The following NTNG2 variants were observed in gnomAD, a reference collection of about 807,000 sequenced individuals.
NTNG2 encodes the protein netrin-G2.
A neutral mutation model predicts 47.6 loss-of-function variants in NTNG2; 15 were observed. The observed-to-expected ratio is 0.32, with a 90% CI of 0.21 to 0.49. NTNG2 has a LOEUF of 0.49. Among genes scored for constraint, NTNG2 ranks in the 20% least tolerant of loss-of-function variants. The probability of loss-of-function intolerance (pLI) is 0.99; values close to 1 mark genes in which losing one functional copy is unlikely to be tolerated. For missense variants in NTNG2, 578 were observed against 764.6 expected (o/e 0.76, Z 2.88); for synonymous variants, 307 against 324.6 (o/e 0.95, Z 0.58).
chr9:132,242,087 G>C lies in NTNG2; in HGVS notation c.1569G>C (p.Gly523=), dbSNP rs1842028684. The change falls in exon 8 of 8, where the codon GGG becomes GGC. Residue 523 remains glycine (G), a synonymous_variant. Coordinates refer to ENST00000393229, the MANE Select transcript of NTNG2 (RefSeq NM_032536.4). This position sits in a 1 kb window ranked among gnomAD's most constrained non-coding sequence, Gnocchi z 5.9. ...TGCTCGGCTGCCTGCTGCTGCTGGG[G>C]CTGGCCGCCCGCCTGGGCCGCTGAG... ...ATLLGCLLLL[G]LAARLGR is the part of the protein sequence containing the mutation. 1 of 1,182,090 alleles carries C rather than the reference G, an allele frequency of 8.5e-7. No homozygotes were observed. Among genetic ancestry groups the C allele is most frequent in the African/African-American group, 1.6e-5 (1 of 61,962 alleles). 73.2% of individuals were successfully genotyped at this position (1,182,090 alleles called of 1,614,324 possible). A position where few individuals can be genotyped will look rare whatever the true frequency, so the allele number is the denominator to read the frequency against.
At chr9:132,239,528 C>G (rs935768773) in intron 6 of NTNG2, among the ~76,000 whole-genome samples, 1 of 152,360 alleles carries the variant, frequency 6.6e-6, no homozygotes, top group Non-Finnish European at 1.5e-5. Context: ...CCTTCCCTCT[C>G]TGGGCAACTG....
chr9:132,188,289 A>T (rs1837559894), intron 2 of NTNG2, among the ~76,000 whole-genome samples: 1 of 152,216 alleles, frequency 6.6e-6, no homozygotes, highest in African/African-American at 2.4e-5. Context: ...GAGGATGAGA[A>T]GGGTTCCGTT....
At chr9:132,201,074 G>A (rs1301766268) in intron 3 of NTNG2, among the ~76,000 whole-genome samples, 1 of 152,254 alleles carries the variant, frequency 6.6e-6, no homozygotes, top group Non-Finnish European at 1.5e-5. Flanking sequence ...AACTGTTCAA[G>A]GACCCTGCCT....
chr9:132,164,977 AAC>A (rs1252470840), intron 1 of NTNG2, among the ~76,000 whole-genome samples: 2 of 152,248 alleles, frequency 1.3e-5, no homozygotes, highest in African/African-American at 4.8e-5. Flanking sequence ...GTTTCACGGA[AAC>A]ACAGTTAACT....
intron 3 of NTNG2, among the ~76,000 whole-genome samples, chr9:132,211,056 A>G (rs1024086745): frequency 4.6e-5 from 7 of 152,138 alleles, no homozygotes; most frequent in African/African-American, 1.7e-4. Flanking sequence ...CTGCTCACAG[A>G]CGCGGACCCA....
intron 2 of NTNG2, among the ~76,000 whole-genome samples, chr9:132,181,823 C>G (rs575989497): frequency 6.6e-6 from 1 of 152,368 alleles, no homozygotes; most frequent in East Asian, 1.9e-4. Context: ...GAAGGCCACA[C>G]AGCTTCTAAG....
intron 3 of NTNG2, among the ~76,000 whole-genome samples, chr9:132,206,757 A>G (rs759825418): frequency 6.6e-6 from 1 of 152,254 alleles, no homozygotes; most frequent in Non-Finnish European, 1.5e-5. Context: ...CAGTTCACAC[A>G]CCTTCAACTG....
intron 4 of NTNG2, 97 bp downstream of exon 4, chr9:132,227,118 T>A: frequency 7.6e-7 from 1 of 1,318,328 alleles, no homozygotes. Context: ...CACACAAACC[T>A]GCACACAGGC....
intron 1 of NTNG2, 160 bp from the exon 2 acceptor site, chr9:132,166,189 A>G (rs1835496364): frequency 6.4e-6 from 1 of 155,582 alleles, no homozygotes; most frequent in Admixed American, 6.2e-5. Context: ...ACACCTCAGT[A>G]GCTTTTCATT....
At chr9:132,177,443 G>A (rs988781367) in intron 2 of NTNG2, among the ~76,000 whole-genome samples, 4 of 152,086 alleles carry the variant, frequency 2.6e-5, no homozygotes, top group African/African-American at 9.7e-5. Context: ...CTTATATCTA[G>A]GTCTTTGATC....
At position 132,162,927 on chromosome 9, in the gene NTNG2, A is replaced by C. The variant is rs1368971965; in HGVS notation, c.-484+688A>C. On this transcript the variant is annotated intron_variant, in intron 1 of 7. Transcript: ENST00000393229. This position sits in a 1 kb window ranked among gnomAD's most constrained non-coding sequence, Gnocchi z 4.6. ...AGGTGGGGGGAGCAGAGGCGGCGGGAAGGCGGGAAGAGAGGACCGCGGGCT... is the reference window on the plus strand; with the variant it reads ...AGGTGGGGGGAGCAGAGGCGGCGGGCAGGCGGGAAGAGAGGACCGCGGGCT... Among the ~76,000 whole-genome samples, 1 of 152,034 alleles carries C rather than the reference A, an allele frequency of 6.6e-6. No homozygotes were observed. Among genetic ancestry groups the C allele is most frequent in the Non-Finnish European group, 1.5e-5 (1 of 68,010 alleles).
At chr9:132,212,645 A>G (rs931872857) in intron 3 of NTNG2, among the ~76,000 whole-genome samples, 1 of 151,886 alleles carries the variant, frequency 6.6e-6, no homozygotes, top group Admixed American at 6.6e-5. Context: ...TCAGGATCTC[A>G]GGTTTGAATG....
chr9:132,199,756 A>C (rs1390227746), intron 3 of NTNG2, among the ~76,000 whole-genome samples: 1 of 152,218 alleles, frequency 6.6e-6, no homozygotes, highest in Non-Finnish European at 1.5e-5. Flanking sequence ...GAGGTCACCT[A>C]GCAGAAACCA....
intron 5 of NTNG2, among the ~76,000 whole-genome samples, chr9:132,234,683 G>T (rs1248568828): frequency 3.9e-5 from 6 of 152,228 alleles, no homozygotes; most frequent in African/African-American, 7.2e-5. Flanking sequence ...ATCCTTTCCT[G>T]GGCTGGGCCA....
chr9:132,175,289 G>T (rs113554964), intron 2 of NTNG2, among the ~76,000 whole-genome samples: 68 of 152,322 alleles, frequency 4.5e-4, no homozygotes, highest in African/African-American at 1.6e-3. Flanking sequence ...CAGCCTTCCT[G>T]TGTCTGGCTC....
At chr9:132,213,877 C>T (rs1188896572) in intron 3 of NTNG2, among the ~76,000 whole-genome samples, 2 of 152,150 alleles carry the variant, frequency 1.3e-5, no homozygotes, top group Non-Finnish European at 2.9e-5. Flanking sequence ...CGGGTGGTAA[C>T]ATACCAGGAA....
intron 2 of NTNG2, among the ~76,000 whole-genome samples, chr9:132,170,413 C>T (rs1835821412): frequency 6.6e-6 from 1 of 152,236 alleles, no homozygotes; most frequent in Non-Finnish European, 1.5e-5. Context: ...AGGCGGCCCC[C>T]ACCCACATTC....
intron 2 of NTNG2, among the ~76,000 whole-genome samples, chr9:132,195,571 C>A (rs1171903368): frequency 1.3e-5 from 2 of 149,710 alleles, no homozygotes; most frequent in East Asian, 4.0e-4. Flanking sequence ...TCGTGATCCA[C>A]CCGCCTCGGC....
chr9:132,241,952 G>A lies in NTNG2; in HGVS notation c.1434G>A (p.Pro478=), dbSNP rs757555599. The A allele has an allele frequency of 2.2e-5, 35 of 1,556,186 alleles. No individual in the cohort carries two copies. Among genetic ancestry groups the A allele is most frequent in the Non-Finnish European group, 2.8e-5 (32 of 1,159,560 alleles). ...TCLQNQRCAC[P]RGYTGVRCEQ... ...TGCAGAACCAGCGCTGCGCCTGCCC[G>A]CGCGGCTACACCGGCGTGCGCTGCG... is the stretch of plus-strand genomic sequence containing the variant. Residue 478 remains proline, a synonymous_variant, in exon 8 of 8, where the codon CCG becomes CCA. Transcript: ENST00000393229.
Sources: allele counts gnomAD v4.1 joint callset (sites outside exome capture counted in the v4.1 genomes callset), GRCh38; gene constraint gnomAD v4.1.1; non-coding constraint Gnocchi (gnomAD v3.1); transcripts MANE v1.5; gene names NCBI Gene and HGNC (gene_info 2026-07-23, HGNC 2026-07-21).